Variants in DNM3 observed in about 807,000 individuals in gnomAD.
DNM3 encodes dynamin 3.
Under a neutral mutation model 101.6 loss-of-function variants are expected in DNM3, and 47 were observed. That is an observed-to-expected ratio of 0.46 (90% CI 0.37 to 0.59). The LOEUF is 0.59. Ranked by LOEUF, DNM3 falls within the 20% of genes least tolerant of loss-of-function variation. The pLI is 0.00. For missense variants in DNM3, 849 were observed against 1,085.7 expected, an observed-to-expected ratio of 0.78 and a Z score of 3.06; for synonymous variants, 385 against 387.9, an observed-to-expected ratio of 0.99 and a Z score of 0.09.
In DNM3 at chr1:172,323,445, T is replaced by G. The variant is rs2065813662; in HGVS notation, c.1893+105T>G. On this transcript the variant is annotated intron_variant, in intron 17 of 20. Transcript: ENST00000627582. ...TGTGCATGCTGGAATGACTGTCATCTGTTACAGTGCACGAATTATATGGGG... is the reference window on the plus strand; with the variant it reads ...TGTGCATGCTGGAATGACTGTCATCGGTTACAGTGCACGAATTATATGGGG... 9 of 1,374,126 alleles carry G rather than the reference T, an allele frequency of 6.5e-6. No homozygotes were observed. In the South Asian group the frequency reaches 1.1e-4, roughly 17 times the overall value. The allele number at this position is 1,374,126 out of a possible 1,614,324, so 85.1% of individuals were successfully genotyped here. A position where few individuals can be genotyped will look rare whatever the true frequency, so the allele number is the denominator to read the frequency against.
chr1:172,015,152 T>G (rs2047370679), intron 4 of DNM3, among the ~76,000 whole-genome samples: 1 of 152,198 alleles, frequency 6.6e-6, no homozygotes, highest in African/African-American at 2.4e-5. Context: ...TCACTAGTAC[T>G]ACACTGTGTT....
intron 12 of DNM3, among the ~76,000 whole-genome samples, chr1:172,086,740 A>G (rs1405487267): frequency 1.3e-5 from 2 of 152,096 alleles, no homozygotes; most frequent in African/African-American, 4.8e-5. Flanking sequence ...AGAAAGAGCA[A>G]GGAAGCCTCT....
intron 13 of DNM3, among the ~76,000 whole-genome samples, chr1:172,127,631 G>A (rs1389164345): frequency 1.3e-5 from 2 of 151,500 alleles, no homozygotes; most frequent in African/African-American, 4.9e-5. Context: ...GGATGGTCTC[G>A]ATCCCCTGAC....
At chr1:172,065,382 G>C (rs1270552684) in intron 10 of DNM3, among the ~76,000 whole-genome samples, 1 of 152,258 alleles carries the variant, frequency 6.6e-6, no homozygotes, top group East Asian at 1.9e-4. Flanking sequence ...CTGTCTGAGT[G>C]CAGGCGGAAT....
chr1:172,183,140 A>G (rs2059405615), intron 14 of DNM3, among the ~76,000 whole-genome samples: 1 of 152,086 alleles, frequency 6.6e-6, no homozygotes, highest in South Asian at 2.1e-4. Flanking sequence ...GGATGAGAAG[A>G]TCACTGGTTT....
At chr1:172,242,825 G>C (rs890880174) in intron 14 of DNM3, among the ~76,000 whole-genome samples, 9 of 152,104 alleles carry the variant, frequency 5.9e-5, no homozygotes, top group Middle Eastern at 3.2e-3. Flanking sequence ...GTGGGTACCA[G>C]GTGTCTCCAA....
In DNM3 at chr1:171,988,933, C is replaced by T. The variant is rs182261438; in HGVS notation, c.386-12C>T. ...AAGGTGTATGTAAGACTCCTTTATCCTTTCCACACAGTGTTAAATCTAACC... is the reference window on the plus strand; with the variant it reads ...AAGGTGTATGTAAGACTCCTTTATCTTTTCCACACAGTGTTAAATCTAACC... On this transcript the variant is annotated splice_polypyrimidine_tract_variant and intron_variant, in intron 3 of 20. Coordinates refer to ENST00000627582, the MANE Select transcript of DNM3 (RefSeq NM_015569.5). 20,643 of 1,569,874 alleles carry T rather than the reference C, an allele frequency of 0.013. 189 individuals are homozygous for T. Among genetic ancestry groups the T allele is most frequent in the Non-Finnish European group, 0.015 (16,998 of 1,156,186 alleles).
At chr1:171,944,850 GTTTCC>G (rs2042056974) in intron 2 of DNM3, among the ~76,000 whole-genome samples, 1 of 43,828 alleles carries the variant, frequency 2.3e-5, no homozygotes, top group African/African-American at 9.5e-5. Flanking sequence ...TTTTTTTGGT[GTTTCC>G]TTTTTTTTTT....
intron 1 of DNM3, among the ~76,000 whole-genome samples, chr1:171,897,066 C>CAT (rs34763896): frequency 0.26 from 39,267 of 151,316 alleles, 5,531 homozygotes; most frequent in Admixed American, 0.34. Flanking sequence ...TCATTCAACA[C>CAT]ATATATATAT....
intron 4 of DNM3, among the ~76,000 whole-genome samples, chr1:171,993,981 G>C (rs1244972352): frequency 6.6e-6 from 1 of 151,496 alleles, no homozygotes; most frequent in Non-Finnish European, 1.5e-5. Context: ...TCTGTATTTG[G>C]TGAAACATTA....
At chr1:171,859,061 T>G (rs2033909957) in intron 1 of DNM3, among the ~76,000 whole-genome samples, 2 of 152,204 alleles carry the variant, frequency 1.3e-5, no homozygotes, top group Admixed American at 1.3e-4. Flanking sequence ...CAGTTCCTAA[T>G]GCCAACAGCA....
intron 4 of DNM3, among the ~76,000 whole-genome samples, chr1:172,010,507 A>T (rs910142605): frequency 1.3e-5 from 2 of 149,448 alleles, no homozygotes; most frequent in Non-Finnish European, 3.0e-5. Context: ...CACTTTAAAT[A>T]TGTCTTCTAA....
intron 4 of DNM3, among the ~76,000 whole-genome samples, chr1:172,018,321 G>C (rs145205916): frequency 2.6e-3 from 403 of 152,124 alleles, no homozygotes; most frequent in African/African-American, 9.3e-3. Context: ...CTTTAGTTGA[G>C]CATTTTATGT....
At chr1:172,317,974 T>C (rs1289340581) in intron 16 of DNM3, among the ~76,000 whole-genome samples, 1 of 152,188 alleles carries the variant, frequency 6.6e-6, no homozygotes, top group Non-Finnish European at 1.5e-5. Flanking sequence ...TGAACATTGA[T>C]GCAAAAATCC....
At chr1:172,116,298 G>C (rs2055885796) in intron 13 of DNM3, among the ~76,000 whole-genome samples, 2 of 152,174 alleles carry the variant, frequency 1.3e-5, no homozygotes, top group Admixed American at 1.3e-4. Context: ...ACACACATAT[G>C]ATCATTCTAA....
At chr1:171,866,192 C>T (rs1424182937) in intron 1 of DNM3, among the ~76,000 whole-genome samples, 2 of 152,168 alleles carry the variant, frequency 1.3e-5, no homozygotes, top group Non-Finnish European at 2.9e-5. Flanking sequence ...TGTCAACCCC[C>T]ACCTTAGTCA....
chr1:171,879,897 GCTT>G (rs986764643), intron 1 of DNM3, among the ~76,000 whole-genome samples: 75 of 152,250 alleles, frequency 4.9e-4, no homozygotes, highest in African/African-American at 1.7e-3. Context: ...AACCTTGGGT[GCTT>G]CTTCTCTTCC....
At chr1:172,231,730 A>G (rs1056596194) in intron 14 of DNM3, among the ~76,000 whole-genome samples, 1 of 152,240 alleles carries the variant, frequency 6.6e-6, no homozygotes, top group African/African-American at 2.4e-5. Context: ...AGAATAACCA[A>G]TGCAGAGAAG....
At chr1:172,279,109 C>A (rs923415341) in intron 15 of DNM3, among the ~76,000 whole-genome samples, 3 of 152,034 alleles carry the variant, frequency 2.0e-5, no homozygotes, top group Admixed American at 6.6e-5. Context: ...TTGGAGGGAG[C>A]AATTATTTTG....
Sources: gnomAD v4.1 joint callset for allele counts (sites outside exome capture counted in the v4.1 genomes callset) on GRCh38, gnomAD v4.1.1 for gene constraint, MANE v1.5 for transcripts, NCBI Gene and HGNC (gene_info 2026-07-23, HGNC 2026-07-21) for gene names.